The following AACS variants were observed in gnomAD, a reference collection of about 807,000 sequenced individuals.
AACS encodes the protein acetoacetate-CoA ligase.
In AACS, 69 loss-of-function variants were observed where a neutral mutation model predicts 83.1. The observed-to-expected ratio is 0.83, with a 90% CI of 0.68 to 1.01. The LOEUF is 1.01. Among genes scored for constraint, AACS ranks in the 50% least tolerant of loss-of-function variants. AACS has a pLI of 0.00. For missense variants in AACS, 866 were observed against 882.2 expected (o/e 0.98, Z 0.23); for synonymous variants, 333 against 343.4 (o/e 0.97, Z 0.33).
chr12:125,103,134 G>T (rs1352746323), intron 7 of AACS, 53 bp downstream of exon 7: 11 of 1,506,870 alleles, frequency 7.3e-6, no homozygotes, highest in Non-Finnish European at 1.0e-5. Context: ...TGGAGCTCCT[G>T]CGGGGAAGTA....
chr12:125,129,474 A>T lies in AACS; in HGVS notation c.1549+14A>T, dbSNP rs774444697. 8.7e-6 allele frequency: 14 copies of T among 1,611,770 alleles called. No individual in the cohort carries two copies. Among genetic ancestry groups the T allele is most frequent in the Non-Finnish European group, 1.1e-5 (13 of 1,178,838 alleles). On this transcript the variant is annotated intron_variant, in intron 14 of 17. Coordinates refer to ENST00000316519, the MANE Select transcript of AACS (RefSeq NM_023928.5). This position sits in a 1 kb window ranked among gnomAD's most constrained non-coding sequence, Gnocchi z 4.3. ...CCAAATTCCCAGGTCGGTTGGAGAG[A>T]TGCAGACAGAGCTGGCCAGCCTCTG...
intron 7 of AACS, among the ~76,000 whole-genome samples, chr12:125,103,861 A>G (rs12320337): frequency 0.03 from 4,464 of 151,158 alleles, 235 homozygotes; most frequent in African/African-American, 0.1. Context: ...GGTGGCGGGC[A>G]CCTGTAGTCC....
chr12:125,124,667 A>C, intron 10 of AACS, 38 bp from the exon 11 acceptor site: 3 of 1,610,744 alleles, frequency 1.9e-6, no homozygotes, highest in Non-Finnish European at 2.5e-6. Flanking sequence ...AAGAGCCTTG[A>C]AGAGTTTCTG....
chr12:125,077,097 G>A (rs1594576049), intron 3 of AACS, among the ~76,000 whole-genome samples: 1 of 124,974 alleles, frequency 8.0e-6, no homozygotes, highest in East Asian at 2.3e-4. Flanking sequence ...TTTTTTTTTA[G>A]TAGAGACAGG....
intron 10 of AACS, among the ~76,000 whole-genome samples, chr12:125,119,426 A>T (rs991786502): frequency 1.3e-5 from 2 of 152,212 alleles, no homozygotes; most frequent in Non-Finnish European, 2.9e-5. Flanking sequence ...TCCTACTGCT[A>T]TGAAGAAATG....
Position 125,142,337 on chromosome 12 carries a change from C to T in AACS, c.*108C>T. The T allele has an allele frequency of 6.8e-7, 1 of 1,465,570 alleles. No individual in the cohort carries two copies. The highest frequency in any genetic ancestry group is 9.2e-7 in the Non-Finnish European group (1 of 1,083,606). The allele number at this position is 1,465,570 out of a possible 1,614,324, so 90.8% of individuals were successfully genotyped here. On this transcript the variant is annotated 3_prime_UTR_variant, in exon 18 of 18. Coordinates refer to ENST00000316519, the MANE Select transcript of AACS (RefSeq NM_023928.5). ...AGCTGTTGTAAAAGGATGCTCGCAC[C>T]AAGTGTTCTGTAGGCTTGGGGAGGG...
chr12:125,116,879 C>T lies in AACS; in HGVS notation c.997-1762C>T, dbSNP rs574685574. On this transcript the variant is annotated intron_variant, in intron 9 of 17. Coordinates refer to ENST00000316519, the MANE Select transcript of AACS (RefSeq NM_023928.5). ...TCCCTTCCTTCCCCTTCCTTTCCCT[C>T]CCTTCCCCTCCCTACCTCTCCCTTC... 2.1e-5 allele frequency among the ~76,000 whole-genome samples: 3 copies of T among 145,348 alleles called. No individual in the cohort carries two copies. In the South Asian group the frequency reaches 7.0e-4, roughly 34 times the overall value.
At chr12:125,118,347 C>T (rs556658063) in intron 9 of AACS, 158 of 370,772 alleles carry the variant, frequency 4.3e-4, no homozygotes, top group African/African-American at 3.1e-3. Flanking sequence ...CAAGTGTGCA[C>T]CTCCTGTGGC....
intron 1 of AACS, among the ~76,000 whole-genome samples, chr12:125,073,320 C>T (rs1162854071): frequency 2.0e-5 from 3 of 152,204 alleles, no homozygotes; most frequent in Admixed American, 1.3e-4. Context: ...CAACATTATA[C>T]TGGCCTTGAG....
intron 3 of AACS, among the ~76,000 whole-genome samples, chr12:125,080,161 C>G (rs1956135205): frequency 6.6e-6 from 1 of 152,188 alleles, no homozygotes. Flanking sequence ...CCCTAGGGTG[C>G]CAACCCAGTC....
intron 2 of AACS, 129 bp downstream of exon 2, chr12:125,074,108 C>T (rs1955952755): frequency 1.4e-6 from 1 of 736,522 alleles, no homozygotes; most frequent in Non-Finnish European, 2.3e-6. Context: ...AAGTCATTGC[C>T]CTAGAGAACT....
At chr12:125,078,086 C>G (rs1300219485) in intron 3 of AACS, 2 of 450,482 alleles carry the variant, frequency 4.4e-6, no homozygotes, top group Admixed American at 2.4e-5. Context: ...AAACTTCACT[C>G]ACTCCCTAGA....
At chr12:125,112,724 A>C (rs1230783058) in intron 8 of AACS, among the ~76,000 whole-genome samples, 1 of 150,414 alleles carries the variant, frequency 6.6e-6, no homozygotes, top group Non-Finnish European at 1.5e-5. Context: ...TATAAGAGAA[A>C]GGTTTAATGG....
chr12:125,123,509 G>A (rs1957191506), intron 10 of AACS: 1 of 152,270 alleles, frequency 6.6e-6, no homozygotes, highest in Non-Finnish European at 1.5e-5. Flanking sequence ...GAACGAAGGT[G>A]TGGGAGGTGG....
intron 1 of AACS, among the ~76,000 whole-genome samples, chr12:125,069,970 T>A (rs1955815576): frequency 6.6e-6 from 1 of 152,194 alleles, no homozygotes; most frequent in South Asian, 2.1e-4. Flanking sequence ...GAATGTGTGT[T>A]CAGAGTTCCA....
In AACS at chr12:125,065,694, G is replaced by T. The variant is rs1184361471; in HGVS notation, c.110G>T (p.Gly37Val). Residue 37 changes from glycine to valine, a missense_variant, in exon 1 of 18, where the codon GGC becomes GTC. By Grantham distance (109) the Gly-to-Val change is moderately radical. Transcript: ENST00000316519. ...ATGGACCGCTTCCGGGCGGCTGTGG[G>T]CGCCGCCTGCGGCCTGGCGCTGGGT... is the stretch of plus-strand genomic sequence containing the variant. ...TQMDRFRAAV[G>V]AACGLALESY... is the part of the protein sequence containing the mutation. 7 of 1,541,580 alleles carry T rather than the reference G, an allele frequency of 4.5e-6. No homozygotes were observed. Among genetic ancestry groups the T allele is most frequent in the Non-Finnish European group, 6.1e-6 (7 of 1,143,182 alleles).
In AACS at chr12:125,142,945, C is replaced by T. The variant is rs1438466753; in HGVS notation, c.*716C>T. ...ATTAGGCATGTGAAGCAGTGGGTGT[C>T]CACCCGTGTCCCTCATGGGTGAGCC... On this transcript the variant is annotated 3_prime_UTR_variant, in exon 18 of 18. Coordinates refer to ENST00000316519, the MANE Select transcript of AACS (RefSeq NM_023928.5). 1.3e-5 allele frequency: 2 copies of T among 152,256 alleles called. No individual in the cohort carries two copies. The highest frequency in any genetic ancestry group is 2.9e-5 in the Non-Finnish European group (2 of 68,072). 9.4% of individuals were successfully genotyped at this position (152,256 alleles called of 1,614,324 possible).
intron 10 of AACS, chr12:125,124,446 G>T (rs1300373134): frequency 5.7e-6 from 3 of 523,376 alleles, no homozygotes; most frequent in African/African-American, 5.7e-5. Flanking sequence ...TCGGGTGAGC[G>T]ACTGTTTTAT....
At chr12:125,111,701 C>T (rs1484731718) in intron 8 of AACS, among the ~76,000 whole-genome samples, 1 of 152,170 alleles carries the variant, frequency 6.6e-6, no homozygotes, top group Middle Eastern at 3.2e-3. Context: ...TTTGTGCTTC[C>T]TAAGTCTGTG....
Sources: gnomAD v4.1 joint callset for allele counts (sites outside exome capture counted in the v4.1 genomes callset) on GRCh38, gnomAD v4.1.1 for gene constraint, Gnocchi (gnomAD v3.1) non-coding constraint, MANE v1.5 for transcripts, NCBI Gene and HGNC (gene_info 2026-07-23, HGNC 2026-07-21) for gene names.